Variants in SKAP1 observed in about 807,000 individuals in gnomAD.
SKAP1 encodes the protein src kinase-associated phosphoprotein 1.
Under a neutral mutation model 58.5 loss-of-function variants are expected in SKAP1, and 44 were observed. The ratio of observed to expected loss-of-function variants is 0.75; its 90% confidence interval spans 0.59 to 0.97. SKAP1 has a LOEUF of 0.97. Ranked by LOEUF, SKAP1 falls within the 50% of genes least tolerant of loss-of-function variation. SKAP1 has a pLI of 0.00. For missense variants in SKAP1, 390 were observed against 435.2 expected (o/e 0.90, Z 0.92); for synonymous variants, 127 against 149.7 (o/e 0.85, Z 1.11).
chr17:48,198,989 G>A (rs1315822024), intron 4 of SKAP1, among the ~76,000 whole-genome samples: 3 of 152,144 alleles, frequency 2.0e-5, no homozygotes, highest in Non-Finnish European at 2.9e-5. Flanking sequence ...CAAGATCGAC[G>A]TATTCCCCCT....
At chr17:48,406,857 T>C (rs759129701) in intron 1 of SKAP1, among the ~76,000 whole-genome samples, 1 of 152,004 alleles carries the variant, frequency 6.6e-6, no homozygotes, top group Non-Finnish European at 1.5e-5. Flanking sequence ...TAAGCCACTG[T>C]GCCCAACCAA....
chr17:48,221,505 T>C (rs936189721), intron 4 of SKAP1, among the ~76,000 whole-genome samples: 12 of 152,196 alleles, frequency 7.9e-5, no homozygotes, highest in Non-Finnish European at 2.9e-5. Context: ...AGAAATTACA[T>C]AGGCATGGCT....
intron 11 of SKAP1, among the ~76,000 whole-genome samples, chr17:48,138,370 A>ATT (rs34767643): frequency 1.8e-4 from 23 of 130,218 alleles, no homozygotes; most frequent in Admixed American, 3.9e-4. Context: ...ACACCCGGCT[A>ATT]TTTTTTTTTT....
intron 2 of SKAP1, among the ~76,000 whole-genome samples, chr17:48,371,286 G>A (rs2067081906): frequency 6.6e-6 from 1 of 152,034 alleles, no homozygotes; most frequent in Non-Finnish European, 1.5e-5. Flanking sequence ...AATAAAAGTT[G>A]AAATTGTAAA....
chr17:48,443,457 A>AGCCT, the SKAP1 span, among the ~76,000 whole-genome samples: 3 of 109,090 alleles, frequency 2.8e-5, no homozygotes, highest in African/African-American at 1.1e-4. Context: ...CTACAAGGTA[A>AGCCT]GTCTGTTTGT....
At chr17:48,156,480 T>C (rs971148331) in intron 11 of SKAP1, 2 of 528,510 alleles carry the variant, frequency 3.8e-6, no homozygotes, top group African/African-American at 1.9e-5. Context: ...CACCCTGCTG[T>C]GGCTTGAGCT....
At chr17:48,239,295 T>A (rs919769396) in intron 4 of SKAP1, among the ~76,000 whole-genome samples, 1 of 152,150 alleles carries the variant, frequency 6.6e-6, no homozygotes, top group Non-Finnish European at 1.5e-5. Flanking sequence ...TGAGGGCAGA[T>A]CTAGTGACCT....
chr17:48,161,554 A>AATCC (rs1016607298), intron 11 of SKAP1, among the ~76,000 whole-genome samples: 113 of 152,342 alleles, frequency 7.4e-4, no homozygotes, highest in African/African-American at 2.5e-3. Flanking sequence ...GATCTGTAAT[A>AATCC]ATCCATCCTT....
intron 2 of SKAP1, among the ~76,000 whole-genome samples, chr17:48,383,185 T>C (rs993064466): frequency 6.6e-6 from 1 of 152,186 alleles, no homozygotes; most frequent in African/African-American, 2.4e-5. Flanking sequence ...ATTACCAACA[T>C]AAAAATCAAT....
chr17:48,159,697 A>G (rs2064041154), intron 11 of SKAP1, among the ~76,000 whole-genome samples: 1 of 152,206 alleles, frequency 6.6e-6, no homozygotes, highest in Non-Finnish European at 1.5e-5. Context: ...TGGGAATGGT[A>G]GTGGAATCTC....
Position 48,276,165 on chromosome 17 carries a change from C to G in SKAP1, c.280+69740G>C, listed in dbSNP as rs538666458. Among the ~76,000 whole-genome samples, 13 of 152,128 alleles carry G rather than the reference C, an allele frequency of 8.5e-5. No individual in the cohort carries two copies. In the South Asian group the frequency reaches 1.0e-3, roughly 12 times the overall value. On this transcript the variant is annotated intron_variant, in intron 4 of 12. Transcript: ENST00000336915. ...TGATTCACAACTAACCGTAATCTAC[C>G]CCCCCAGCCACTCTCTCTAAATATT...
chr17:48,374,267 C>T (rs2067126508), intron 2 of SKAP1, among the ~76,000 whole-genome samples: 2 of 149,698 alleles, frequency 1.3e-5, no homozygotes, highest in South Asian at 2.1e-4. Flanking sequence ...TCTTGAACTC[C>T]TGGACTCAAG....
At position 48,327,820 on chromosome 17, in the gene SKAP1, C is replaced by T. The variant is rs8069109; in HGVS notation, c.280+18085G>A. Among the ~76,000 whole-genome samples, 844 of 152,142 alleles carry T rather than the reference C, an allele frequency of 5.5e-3. 9 individuals carry two copies. Among genetic ancestry groups the T allele is most frequent in the African/African-American group, 0.019 (794 of 41,508 alleles). ...TTTTTTTCTTCATTATTTTCAGAGA[C>T]GGGGTTTTGCCATGTTGCCCAGGCT... On this transcript the variant is annotated intron_variant, in intron 4 of 12. Transcript: ENST00000336915.
At chr17:48,342,163 A>AT (rs948908307) in intron 4 of SKAP1, among the ~76,000 whole-genome samples, 5 of 152,058 alleles carry the variant, frequency 3.3e-5, no homozygotes, top group Non-Finnish European at 5.9e-5. Context: ...TTCCTACTAC[A>AT]TTTTTTTCCT....
the SKAP1 span, among the ~76,000 whole-genome samples, chr17:48,436,314 T>C: frequency 1.3e-5 from 2 of 152,180 alleles, no homozygotes; most frequent in Non-Finnish European, 2.9e-5. Context: ...TCAGGTGATC[T>C]GTCCACCTCG....
the SKAP1 span, among the ~76,000 whole-genome samples, chr17:48,438,335 A>G: frequency 2.0e-5 from 3 of 152,224 alleles, no homozygotes; most frequent in Non-Finnish European, 4.4e-5. Context: ...CTGTCCCTGC[A>G]TTCCCTGCAA....
chr17:48,298,246 G>C (rs2066007573), intron 4 of SKAP1, among the ~76,000 whole-genome samples: 1 of 152,198 alleles, frequency 6.6e-6, no homozygotes, highest in Admixed American at 6.6e-5. Flanking sequence ...TGTCACATTA[G>C]AGTATTTTAT....
At chr17:48,345,711 C>T (rs2144328507) in intron 4 of SKAP1, among the ~76,000 whole-genome samples, 194 bp downstream of exon 4, 1 of 152,278 alleles carries the variant, frequency 6.6e-6, no homozygotes, top group East Asian at 1.9e-4. Context: ...AGTACATTAA[C>T]TTCAGAAGTA....
chr17:48,331,382 C>A (rs1368674846), intron 4 of SKAP1, among the ~76,000 whole-genome samples: 2 of 152,214 alleles, frequency 1.3e-5, no homozygotes, highest in East Asian at 3.9e-4. Flanking sequence ...TAGGCTCTTA[C>A]CTCATTAAAT....
Sources: allele counts gnomAD v4.1 joint callset (sites outside exome capture counted in the v4.1 genomes callset), GRCh38; gene constraint gnomAD v4.1.1; transcripts MANE v1.5; gene names NCBI Gene and HGNC (gene_info 2026-07-23, HGNC 2026-07-21).